The following SYN3 variants were observed in gnomAD, a reference collection of about 807,000 sequenced individuals.
SYN3 encodes synapsin-3.
A neutral mutation model predicts 65.8 loss-of-function variants in SYN3; 35 were observed. That is an observed-to-expected ratio of 0.53 (90% confidence interval 0.41 to 0.70). SYN3 has a LOEUF of 0.70. SYN3 is among the 30% of genes least tolerant of loss of function. SYN3 has a pLI of 0.00. For synonymous variants in SYN3, 270 were observed against 292.9 expected, an observed-to-expected ratio of 0.92 and a Z score of 0.80; for missense variants, 680 against 749.0, an observed-to-expected ratio of 0.91 and a Z score of 1.08.
At position 32,613,142 on chromosome 22, in the gene SYN3, C is replaced by T. The variant is rs530026622; in HGVS notation, c.712-16406G>A. On this transcript the variant is annotated intron_variant, in intron 6 of 13. Transcript: ENST00000358763. ...CCTGAGGCCTCCCCAGCCATGCCTC[C>T]TGTACAGCCTGTGGAACTGTGACTC... 3.3e-5 allele frequency among the ~76,000 whole-genome samples: 5 copies of T among 152,116 alleles called. No homozygotes were observed. The East Asian group carries it at 7.7e-4, about 24-fold the overall frequency.
At chr22:32,545,848 CG>C (rs2058329429) in intron 7 of SYN3, among the ~76,000 whole-genome samples, 2 of 152,154 alleles carry the variant, frequency 1.3e-5, no homozygotes, top group Admixed American at 6.5e-5. Context: ...GGCGTGAGCC[CG>C]GGTATCTTAT....
chr22:32,906,707 T>A (rs2049912735), intron 4 of SYN3, among the ~76,000 whole-genome samples: 1 of 151,994 alleles, frequency 6.6e-6, no homozygotes, highest in Non-Finnish European at 1.5e-5. Context: ...CCTCCCTGTG[T>A]CCATGTGTTC....
intron 4 of SYN3, among the ~76,000 whole-genome samples, chr22:32,894,186 C>T (rs1026019166): frequency 5.3e-5 from 6 of 112,186 alleles, no homozygotes; most frequent in Non-Finnish European, 1.3e-4. Context: ...TGCTAAGAAA[C>T]AGAAATTGGA....
intron 4 of SYN3, among the ~76,000 whole-genome samples, chr22:32,920,029 G>A (rs1391335385): frequency 6.6e-6 from 1 of 152,166 alleles, no homozygotes; most frequent in Non-Finnish European, 1.5e-5. Flanking sequence ...GCTGGGGAGG[G>A]GGAGGATCTG....
intron 6 of SYN3, among the ~76,000 whole-genome samples, chr22:32,615,432 T>TCAAA (rs2059503055): frequency 2.7e-5 from 2 of 74,416 alleles, no homozygotes; most frequent in African/African-American, 1.3e-4. Context: ...AGACTTCATC[T>TCAAA]AAAAAAAAAA....
chr22:32,710,839 T>A (rs540982921), intron 6 of SYN3, among the ~76,000 whole-genome samples: 1 of 152,162 alleles, frequency 6.6e-6, no homozygotes, highest in Admixed American at 6.5e-5. Context: ...CAATTAAACC[T>A]CTTTTCTTTA....
intron 6 of SYN3, among the ~76,000 whole-genome samples, chr22:32,710,097 A>G (rs1156399472): frequency 6.4e-5 from 6 of 94,482 alleles, no homozygotes; most frequent in Admixed American, 2.2e-4. Flanking sequence ...ACACACACAC[A>G]CATGTGTGTG....
intron 7 of SYN3, among the ~76,000 whole-genome samples, chr22:32,586,993 G>A (rs2059054298): frequency 6.6e-6 from 1 of 152,158 alleles, no homozygotes; most frequent in African/African-American, 2.4e-5. Flanking sequence ...GGAGGCTGAG[G>A]CAGGTGGATC....
At chr22:32,831,706 C>A (rs2047579180) in intron 6 of SYN3, among the ~76,000 whole-genome samples, 1 of 152,186 alleles carries the variant, frequency 6.6e-6, no homozygotes, top group Admixed American at 6.5e-5. Flanking sequence ...ACACCAGGAT[C>A]CACCTGCCCC....
chr22:32,661,365 A>T (rs2060214018), intron 6 of SYN3, among the ~76,000 whole-genome samples: 1 of 152,264 alleles, frequency 6.6e-6, no homozygotes, highest in South Asian at 2.1e-4. Flanking sequence ...TCAGCCCGGG[A>T]ACAAGTGGAG....
At chr22:32,610,290 C>T (rs980084470) in intron 6 of SYN3, among the ~76,000 whole-genome samples, 18 of 151,768 alleles carry the variant, frequency 1.2e-4, no homozygotes, top group African/African-American at 2.7e-4. Flanking sequence ...CCCTGCCCCC[C>T]CCAAAAAAAG....
At chr22:32,920,218 C>T (rs185262519) in intron 4 of SYN3, among the ~76,000 whole-genome samples, 5 of 152,302 alleles carry the variant, frequency 3.3e-5, no homozygotes, top group Non-Finnish European at 5.9e-5. Flanking sequence ...GCAGAACTTG[C>T]GTAATTAGAT....
At chr22:32,826,452 A>G in intron 6 of SYN3, among the ~76,000 whole-genome samples, 1 of 149,772 alleles carries the variant, frequency 6.7e-6, no homozygotes, top group Middle Eastern at 3.4e-3. Context: ...AAATAAATAA[A>G]CAAAATTTAA....
chr22:32,896,811 G>A (rs2049604764), intron 4 of SYN3, among the ~76,000 whole-genome samples: 1 of 152,172 alleles, frequency 6.6e-6, no homozygotes, highest in Non-Finnish European at 1.5e-5. Flanking sequence ...ACAGTTGAAA[G>A]GCCATGGGCT....
intron 7 of SYN3, among the ~76,000 whole-genome samples, chr22:32,595,171 A>G (rs1438961624): frequency 6.6e-6 from 1 of 152,192 alleles, no homozygotes; most frequent in Non-Finnish European, 1.5e-5. Flanking sequence ...GTTGAGGCCA[A>G]GTACATTGAT....
chr22:32,576,836 C>T (rs1223893631), intron 7 of SYN3, among the ~76,000 whole-genome samples: 2 of 151,630 alleles, frequency 1.3e-5, no homozygotes, highest in Non-Finnish European at 2.9e-5. Flanking sequence ...CTCTTCACAC[C>T]ACTGCCAGGA....
intron 7 of SYN3, among the ~76,000 whole-genome samples, chr22:32,569,883 G>GT (rs1450622452): frequency 6.6e-6 from 1 of 152,150 alleles, no homozygotes; most frequent in Admixed American, 6.6e-5. Context: ...AATGTTAGCT[G>GT]TTTGTCATTA....
intron 3 of SYN3, among the ~76,000 whole-genome samples, chr22:32,947,921 G>A (rs948694191): frequency 4.6e-5 from 7 of 152,136 alleles, no homozygotes; most frequent in Non-Finnish European, 8.8e-5. Flanking sequence ...CAAGGCTCTG[G>A]GAGGAAGCCA....
rs567778869 is a variant in SYN3 at position 32,866,945 on chromosome 22, C to T, written c.622-1941G>A. The stretch of plus-strand genomic sequence containing the variant: ...TTGAGTGTGTACTTTGTGCCAGCCA[C>T]ATTCTAAGCGTTTTCATCTATTAAA... On this transcript the variant is annotated intron_variant, in intron 5 of 13. Transcript: ENST00000358763. Among the ~76,000 whole-genome samples, 58 of 152,324 alleles carry T rather than the reference C, an allele frequency of 3.8e-4. 1 individual carries two copies. The highest frequency in any genetic ancestry group is 1.2e-3 in the African/African-American group (49 of 41,564).
Sources: allele counts gnomAD v4.1 joint callset (sites outside exome capture counted in the v4.1 genomes callset), GRCh38; gene constraint gnomAD v4.1.1; transcripts MANE v1.5; gene names NCBI Gene and HGNC (gene_info 2026-07-23, HGNC 2026-07-21).